CPPED1: variants seen among roughly 807,000 people sequenced by gnomAD.
CPPED1 encodes the protein calcineurin like phosphoesterase domain containing 1.
CPPED1 carries 28 observed loss-of-function variants against 28.0 expected under a neutral mutation model. That is an observed-to-expected ratio of 1.00 (90% CI 0.74 to 1.37). The LOEUF is 1.37. Among genes scored for constraint, CPPED1 ranks in the 40% most tolerant of loss-of-function variants. The probability of loss-of-function intolerance (pLI) is 0.00; values close to 1 mark genes in which losing one functional copy is unlikely to be tolerated. For missense variants in CPPED1, 504 were observed against 416.5 expected, an observed-to-expected ratio of 1.21 and a Z score of -1.83; for synonymous variants, 198 against 180.2, an observed-to-expected ratio of 1.10 and a Z score of -0.79.
intron 2 of CPPED1, among the ~76,000 whole-genome samples, chr16:12,741,878 A>G (rs753166080): frequency 6.6e-6 from 1 of 152,106 alleles, no homozygotes; most frequent in Non-Finnish European, 1.5e-5. Context: ...CAGCATCGCC[A>G]ACATGGTGAA....
chr16:12,702,784 C>T (rs762094575), intron 3 of CPPED1, among the ~76,000 whole-genome samples: 4 of 151,850 alleles, frequency 2.6e-5, no homozygotes, highest in Non-Finnish European at 4.4e-5. Context: ...GATCACCTGA[C>T]GTCAGAAGTT....
At chr16:12,789,715 C>T (rs976321316) in intron 1 of CPPED1, among the ~76,000 whole-genome samples, 2 of 151,952 alleles carry the variant, frequency 1.3e-5, no homozygotes, top group Admixed American at 6.6e-5. Flanking sequence ...TTGGTAGAGA[C>T]GGGGTTTTAC....
intron 1 of CPPED1, among the ~76,000 whole-genome samples, chr16:12,794,607 T>C (rs994310717): frequency 7.2e-5 from 11 of 152,106 alleles, no homozygotes; most frequent in African/African-American, 1.9e-4. Context: ...TTTGGAACAT[T>C]TGCATATGCA....
chr16:12,718,106 A>G (rs1434910736), intron 2 of CPPED1, among the ~76,000 whole-genome samples: 1 of 152,230 alleles, frequency 6.6e-6, no homozygotes, highest in Non-Finnish European at 1.5e-5. Context: ...TGTCAGGGGA[A>G]GAGAAGAGAG....
chr16:12,715,347 G>C (rs2080101840), intron 2 of CPPED1, among the ~76,000 whole-genome samples: 1 of 152,218 alleles, frequency 6.6e-6, no homozygotes, highest in African/African-American at 2.4e-5. Flanking sequence ...ATAAGATCAA[G>C]GTCCAACACT....
At chr16:12,673,988 G>A (rs1408515580) in intron 3 of CPPED1, among the ~76,000 whole-genome samples, 1 of 152,114 alleles carries the variant, frequency 6.6e-6, no homozygotes, top group Non-Finnish European at 1.5e-5. Flanking sequence ...GTTGGAGGTT[G>A]CAGTGGGCTA....
chr16:12,688,078 A>G lies in CPPED1; in HGVS notation c.715+16546T>C, dbSNP rs2079942539. Among the ~76,000 whole-genome samples, 4 of 149,438 alleles carry G rather than the reference A, an allele frequency of 2.7e-5. No individual in the cohort carries two copies. The Admixed American group carries it at 2.7e-4, about 10-fold the overall frequency. ...AGGGTCTTACTCTGTCTCCCAGGCT[A>G]CACTGCAGTGGTGCGATCATGGTTT... On this transcript the variant is annotated intron_variant, in intron 3 of 3. Coordinates refer to ENST00000381774, the MANE Select transcript of CPPED1 (RefSeq NM_018340.3).
chr16:12,795,899 C>A (rs1013464192), intron 1 of CPPED1, among the ~76,000 whole-genome samples: 1 of 152,066 alleles, frequency 6.6e-6, no homozygotes, highest in African/African-American at 2.4e-5. Context: ...GCCTGGCCAA[C>A]ATGGTAAAAT....
chr16:12,774,405 T>G (rs561036320), intron 2 of CPPED1, among the ~76,000 whole-genome samples: 5 of 151,568 alleles, frequency 3.3e-5, no homozygotes, highest in Non-Finnish European at 7.4e-5. Flanking sequence ...GAGGCAGAGG[T>G]TGCAGTGAGC....
At chr16:12,719,137 A>G (rs2080124021) in intron 2 of CPPED1, among the ~76,000 whole-genome samples, 1 of 152,108 alleles carries the variant, frequency 6.6e-6, no homozygotes, top group South Asian at 2.1e-4. Flanking sequence ...CTACCATAAG[A>G]ACAGTATGGA....
intron 2 of CPPED1, among the ~76,000 whole-genome samples, chr16:12,723,211 C>G (rs969069368): frequency 6.6e-6 from 1 of 152,190 alleles, no homozygotes; most frequent in Non-Finnish European, 1.5e-5. Context: ...TCTTCTATAG[C>G]CTCTTCCCCT....
chr16:12,660,499 G>GTA lies in CPPED1; in HGVS notation c.*4386_*4387insTA, dbSNP rs773448031. 1.4e-4 allele frequency: 14 copies of GTA among 99,086 alleles called. No individual in the cohort carries two copies. The highest frequency in any genetic ancestry group is 1.1e-3 in the African/African-American group (14 of 12,822). The allele number at this position is 99,086 out of a possible 1,614,324, so 6.1% of individuals were successfully genotyped here. A position where few individuals can be genotyped will look rare whatever the true frequency, so the allele number is the denominator to read the frequency against. ...AAAGAATCCTCCACTTTTACTATAT[G>GTA]TGTGTGTGTGTGTGTGTGTGTGTGT... On this transcript the variant is annotated 3_prime_UTR_variant, in exon 4 of 4. Coordinates refer to ENST00000381774, the MANE Select transcript of CPPED1 (RefSeq NM_018340.3).
At position 12,750,327 on chromosome 16, in the gene CPPED1, T is replaced by C. The variant is rs530056710; in HGVS notation, c.289+30858A>G. On this transcript the variant is annotated intron_variant, in intron 2 of 3. Transcript: ENST00000381774. ...CTTTCTCACTAAGCTTAATCATTTCTAGCTTTCTATTTAAGGCAAAGGATG... is the reference window on the plus strand; with the variant it reads ...CTTTCTCACTAAGCTTAATCATTTCCAGCTTTCTATTTAAGGCAAAGGATG... 1.6e-4 allele frequency among the ~76,000 whole-genome samples: 25 copies of C among 152,348 alleles called. 1 individual carries two copies. In the South Asian group the frequency reaches 4.8e-3, roughly 29 times the overall value.
chr16:12,752,284 G>T (rs968078554), intron 2 of CPPED1, among the ~76,000 whole-genome samples: 3 of 152,122 alleles, frequency 2.0e-5, no homozygotes, highest in African/African-American at 7.2e-5. Flanking sequence ...AAGCCTAATT[G>T]ATGTTAGTTT....
At chr16:12,667,455 C>T (rs1476576180) in intron 3 of CPPED1, among the ~76,000 whole-genome samples, 2 of 151,952 alleles carry the variant, frequency 1.3e-5, no homozygotes, top group Non-Finnish European at 2.9e-5. Flanking sequence ...TAAAAACAAC[C>T]CTCAATAAAT....
chr16:12,713,084 G>A (rs2080088170), intron 2 of CPPED1, among the ~76,000 whole-genome samples: 1 of 143,432 alleles, frequency 7.0e-6, no homozygotes, highest in Non-Finnish European at 1.5e-5. Context: ...GTACCAGAAA[G>A]GTATTTCGAA....
At chr16:12,738,643 A>G (rs2080238936) in intron 2 of CPPED1, among the ~76,000 whole-genome samples, 1 of 152,156 alleles carries the variant, frequency 6.6e-6, no homozygotes, top group Non-Finnish European at 1.5e-5. Context: ...TGCCTTACCT[A>G]CTTAAACAGG....
At position 12,682,981 on chromosome 16, in the gene CPPED1, T is replaced by C. The variant is rs1296250725; in HGVS notation, c.716-17866A>G. Among the ~76,000 whole-genome samples, 1 of 152,212 alleles carries C rather than the reference T, an allele frequency of 6.6e-6. No individual in the cohort carries two copies. Among genetic ancestry groups the C allele is most frequent in the African/African-American group, 2.4e-5 (1 of 41,464 alleles). ...ATTGTTTTGACTGACAGAATGTTCGTGTATCAAATTGGAAATCCATCCAAA... is the reference window on the plus strand; with the variant it reads ...ATTGTTTTGACTGACAGAATGTTCGCGTATCAAATTGGAAATCCATCCAAA... On this transcript the variant is annotated intron_variant, in intron 3 of 3. Coordinates refer to ENST00000381774, the MANE Select transcript of CPPED1 (RefSeq NM_018340.3). The surrounding 1 kb of genome is among the most constrained non-coding windows in gnomAD (Gnocchi z 6.1).
At chr16:12,783,497 CTAAA>C (rs2080544542) in intron 1 of CPPED1, among the ~76,000 whole-genome samples, 1 of 150,470 alleles carries the variant, frequency 6.6e-6, no homozygotes, top group African/African-American at 2.5e-5. Flanking sequence ...TGTCTCAAAA[CTAAA>C]TAAATAAATT....
Sources: allele counts gnomAD v4.1 joint callset (sites outside exome capture counted in the v4.1 genomes callset), GRCh38; gene constraint gnomAD v4.1.1; non-coding constraint Gnocchi (gnomAD v3.1); transcripts MANE v1.5; gene names NCBI Gene and HGNC (gene_info 2026-07-23, HGNC 2026-07-21).